The following DSCAM variants were observed in gnomAD, a reference collection of about 807,000 sequenced individuals.
DSCAM encodes the protein cell adhesion molecule DSCAM.
DSCAM carries 47 observed loss-of-function variants against 217.7 expected under a neutral mutation model. The observed-to-expected ratio is 0.22, with a 90% CI of 0.17 to 0.28. The LOEUF (loss-of-function observed/expected upper bound fraction) is 0.28. Among genes scored for constraint, DSCAM ranks in the 10% least tolerant of loss-of-function variants. The pLI, the probability that DSCAM is intolerant of heterozygous loss-of-function variation, is 1.00. For missense variants in DSCAM, 2,080 were observed against 2,618.3 expected (o/e 0.79, Z 4.49); for synonymous variants, 1,056 against 1,015.3 (o/e 1.04, Z -0.76).
At chr21:40,844,180 A>G (rs777274264) in intron 1 of DSCAM, among the ~76,000 whole-genome samples, 3 of 152,180 alleles carry the variant, frequency 2.0e-5, no homozygotes, top group Non-Finnish European at 4.4e-5. Context: ...TTACTCTTAT[A>G]TTTTTGAAAT....
intron 3 of DSCAM, among the ~76,000 whole-genome samples, chr21:40,407,167 A>G (rs886109057): frequency 6.6e-6 from 1 of 152,256 alleles, no homozygotes; most frequent in African/African-American, 2.4e-5. Flanking sequence ...ATGAGTCTGC[A>G]GTAATATATA....
chr21:40,793,889 A>C (rs2091668858), intron 1 of DSCAM, among the ~76,000 whole-genome samples: 1 of 152,194 alleles, frequency 6.6e-6, no homozygotes, highest in Non-Finnish European at 1.5e-5. Flanking sequence ...GAAGCACAAA[A>C]ACCTACTCTA....
chr21:40,549,112 T>C (rs9978976), intron 3 of DSCAM, among the ~76,000 whole-genome samples: 85,958 of 151,960 alleles, frequency 0.57, 24,469 homozygotes, highest in East Asian at 0.67. Context: ...GGCTGAGGCG[T>C]GAGGATCACC....
chr21:40,361,558 G>A (rs2074765637), intron 4 of DSCAM, among the ~76,000 whole-genome samples: 1 of 152,166 alleles, frequency 6.6e-6, no homozygotes, highest in African/African-American at 2.4e-5. Context: ...GGCAGAGATC[G>A]AAGTGAGCTG....
At chr21:40,617,202 C>T (rs1482029067) in intron 3 of DSCAM, among the ~76,000 whole-genome samples, 2 of 144,778 alleles carry the variant, frequency 1.4e-5, no homozygotes, top group Non-Finnish European at 3.0e-5. Flanking sequence ...CGGCTCACTG[C>T]AAGCTCCCCC....
chr21:40,433,410 C>CAGAA (rs2145900471), intron 3 of DSCAM, among the ~76,000 whole-genome samples: 1 of 150,984 alleles, frequency 6.6e-6, no homozygotes, highest in East Asian at 2.0e-4. Context: ...GGGACCAACA[C>CAGAA]AGAAAGCATA....
chr21:40,542,147 G>C (rs1601729074), intron 3 of DSCAM, among the ~76,000 whole-genome samples: 1 of 151,862 alleles, frequency 6.6e-6, no homozygotes, highest in East Asian at 1.9e-4. Flanking sequence ...CTAACTGACT[G>C]ATTTCAGAAG....
intron 1 of DSCAM, among the ~76,000 whole-genome samples, chr21:40,817,958 C>T (rs987150991): frequency 1.7e-4 from 25 of 150,482 alleles, no homozygotes; most frequent in Admixed American, 7.9e-4. Context: ...TAGCCGGGCG[C>T]GGTGGCGGGC....
At chr21:40,282,757 T>C (rs1374648900) in intron 10 of DSCAM, among the ~76,000 whole-genome samples, 1 of 152,106 alleles carries the variant, frequency 6.6e-6, no homozygotes, top group Non-Finnish European at 1.5e-5. Context: ...TCTTAAATAA[T>C]TTTCACCAGA....
At chr21:40,126,549 G>T (rs1247550157) in intron 19 of DSCAM, among the ~76,000 whole-genome samples, 1 of 152,198 alleles carries the variant, frequency 6.6e-6, no homozygotes. Context: ...ATGGCACAGA[G>T]CTCCAATCTT....
chr21:40,553,347 T>C (rs931468119), intron 3 of DSCAM, among the ~76,000 whole-genome samples: 1 of 152,212 alleles, frequency 6.6e-6, no homozygotes, highest in African/African-American at 2.4e-5. Context: ...CTTTTAGAGA[T>C]CAACTCAATG....
At chr21:40,358,799 C>G (rs1018357097) in intron 4 of DSCAM, among the ~76,000 whole-genome samples, 2 of 133,236 alleles carry the variant, frequency 1.5e-5, no homozygotes, top group African/African-American at 3.1e-5. Context: ...AAGACTCCAT[C>G]TCGAAAAAAA....
intron 18 of DSCAM, among the ~76,000 whole-genome samples, chr21:40,136,207 C>A (rs141481754): frequency 1.3e-5 from 2 of 152,360 alleles, no homozygotes; most frequent in East Asian, 3.9e-4. Context: ...AATATCAATA[C>A]TTGGTTGTCC....
chr21:40,550,632 AC>A (rs2076622296), intron 3 of DSCAM, among the ~76,000 whole-genome samples: 1 of 152,244 alleles, frequency 6.6e-6, no homozygotes, highest in African/African-American at 2.4e-5. Context: ...CCGAACAAAC[AC>A]ATTACGTCTT....
intron 11 of DSCAM, among the ~76,000 whole-genome samples, chr21:40,213,787 C>A (rs770069172): frequency 2.0e-5 from 3 of 152,096 alleles, no homozygotes; most frequent in Non-Finnish European, 4.4e-5. Context: ...CATGCAGGAT[C>A]ATGGGTTTTG....
At chr21:40,288,276 A>G (rs979539153) in intron 10 of DSCAM, among the ~76,000 whole-genome samples, 1 of 152,202 alleles carries the variant, frequency 6.6e-6, no homozygotes, top group Non-Finnish European at 1.5e-5. Context: ...TCATAAAAGA[A>G]AAACTTGGAT....
intron 9 of DSCAM, among the ~76,000 whole-genome samples, chr21:40,308,104 CACA>C (rs548692195): frequency 3.0e-4 from 45 of 152,078 alleles, no homozygotes; most frequent in Middle Eastern, 3.4e-3. Flanking sequence ...AATAAAAAAA[CACA>C]ACAACAACAA....
rs535301403 is a variant in DSCAM, at chr21:40,696,690, T to C, written c.362-3734A>G. On this transcript the variant is annotated intron_variant, in intron 2 of 32. Transcript: ENST00000400454. ...TCATTTTAGCCTTCATTCAGTAAAA[T>C]CTGTCATCTTTTTAGATCAGAAGAA... 2.3e-4 allele frequency among the ~76,000 whole-genome samples: 35 copies of C among 152,276 alleles called. 1 individual carries two copies. The highest frequency in any genetic ancestry group is 2.0e-3 in the Admixed American group (31 of 15,298).
intron 10 of DSCAM, among the ~76,000 whole-genome samples, chr21:40,292,673 C>T (rs1751137632): frequency 1.3e-5 from 2 of 151,912 alleles, no homozygotes; most frequent in South Asian, 2.1e-4. Context: ...GAAATTTATC[C>T]CCAGGGATAA....
Sources: gnomAD v4.1 joint callset for allele counts (sites outside exome capture counted in the v4.1 genomes callset) on GRCh38, gnomAD v4.1.1 for gene constraint, MANE v1.5 for transcripts, NCBI Gene and HGNC (gene_info 2026-07-23, HGNC 2026-07-21) for gene names.